ADARB2: variants seen among roughly 807,000 people sequenced by gnomAD.
The protein encoded by ADARB2 is adenosine deaminase RNA specific B2 (inactive), also known as inactive double-stranded RNA-specific editase B2.
ADARB2 carries 25 observed loss-of-function variants against 62.2 expected under a neutral mutation model. The observed-to-expected ratio is 0.40, with a 90% CI of 0.29 to 0.56. ADARB2 has a LOEUF of 0.56. Ranked by LOEUF, ADARB2 falls within the 20% of genes least tolerant of loss-of-function variation. The pLI, the probability that ADARB2 is intolerant of heterozygous loss-of-function variation, is 0.43. For synonymous variants in ADARB2, 572 were observed against 500.8 expected (o/e 1.14, Z -1.90); for missense variants, 1,071 against 1,077.4 (o/e 0.99, Z 0.08).
chr10:1,282,029 A>G (rs1831375297), intron 3 of ADARB2, among the ~76,000 whole-genome samples: 1 of 152,214 alleles, frequency 6.6e-6, no homozygotes, highest in Non-Finnish European at 1.5e-5. Flanking sequence ...GTGATTTCCC[A>G]TGACGGCTTC....
intron 6 of ADARB2, among the ~76,000 whole-genome samples, chr10:1,221,027 T>G (rs1325026188): frequency 6.6e-6 from 1 of 152,188 alleles, no homozygotes; most frequent in African/African-American, 2.4e-5. Context: ...GTGGCTTGAA[T>G]GTCGGTGATC....
In ADARB2 at chr10:1,524,712, G is replaced by A. The variant is rs11250583; in HGVS notation, c.101-145552C>T. Among the ~76,000 whole-genome samples, 18 of 152,234 alleles carry A rather than the reference G, an allele frequency of 1.2e-4. No homozygotes were observed. In the East Asian group the frequency reaches 2.9e-3, roughly 25 times the overall value. On this transcript the variant is annotated intron_variant, in intron 1 of 9. Transcript: ENST00000381312. The stretch of plus-strand genomic sequence containing the variant: ...ACAGCCCGGTGGCTGCCCGGGGGGA[G>A]GTGGTAGGCAGGGTCAGAGTGCACA...
At chr10:1,658,001 GTC>G (rs59391061) in intron 1 of ADARB2, among the ~76,000 whole-genome samples, 3 of 150,884 alleles carry the variant, frequency 2.0e-5, no homozygotes, top group Non-Finnish European at 3.0e-5. Flanking sequence ...CTCTTTCTGT[GTC>G]TCTCTGTCTC....
At chr10:1,345,785 A>G (rs1832075651) in intron 3 of ADARB2, among the ~76,000 whole-genome samples, 1 of 152,204 alleles carries the variant, frequency 6.6e-6, no homozygotes, top group African/African-American at 2.4e-5. Context: ...GTTTCTTGGC[A>G]TTGAAATCCA....
chr10:1,678,174 A>T, intron 1 of ADARB2: 1 of 985,388 alleles, frequency 1.0e-6, no homozygotes, highest in Non-Finnish European at 1.2e-6. Context: ...CACCCAGCAA[A>T]TGCCCAGGGC....
At chr10:1,608,435 G>T (rs970679453) in intron 1 of ADARB2, among the ~76,000 whole-genome samples, 2 of 151,622 alleles carry the variant, frequency 1.3e-5, no homozygotes, top group African/African-American at 4.9e-5. Flanking sequence ...GGGGACCATT[G>T]ACAGACGGGA....
intron 4 of ADARB2, among the ~76,000 whole-genome samples, chr10:1,262,385 CAT>C (rs1054069829): frequency 9.2e-5 from 14 of 151,396 alleles, no homozygotes; most frequent in African/African-American, 1.5e-4. Context: ...GCAACCCACT[CAT>C]GTGACAAAGG....
Position 1,583,049 on chromosome 10 carries a change from T to A in ADARB2, c.100+154002A>T, listed in dbSNP as rs12259438. Among the ~76,000 whole-genome samples, 849 of 152,144 alleles carry A rather than the reference T, an allele frequency of 5.6e-3. 10 individuals are homozygous for A. The highest frequency in any genetic ancestry group is 0.02 in the African/African-American group (814 of 41,504). On this transcript the variant is annotated intron_variant, in intron 1 of 9. Coordinates refer to ENST00000381312, the MANE Select transcript of ADARB2 (RefSeq NM_018702.4). ...TTGTCACCAATATTGCTCTTTCTCCTGGTGACTGCGATTTCATCTATCATC... is the reference window on the plus strand; with the variant it reads ...TTGTCACCAATATTGCTCTTTCTCCAGGTGACTGCGATTTCATCTATCATC...
chr10:1,504,252 G>A (rs1376068074), intron 1 of ADARB2, among the ~76,000 whole-genome samples: 1 of 152,200 alleles, frequency 6.6e-6, no homozygotes, highest in Non-Finnish European at 1.5e-5. Context: ...CACACTGTGA[G>A]CGGGCATGCT....
intron 8 of ADARB2, among the ~76,000 whole-genome samples, chr10:1,192,042 C>T (rs1345060673): frequency 3.9e-5 from 6 of 152,158 alleles, no homozygotes; most frequent in Admixed American, 6.5e-5. Flanking sequence ...TACTGTGGCT[C>T]GCGGAGCTAT....
chr10:1,482,162 G>A (rs1442414453), intron 1 of ADARB2, among the ~76,000 whole-genome samples: 1 of 152,236 alleles, frequency 6.6e-6, no homozygotes, highest in Non-Finnish European at 1.5e-5. Context: ...ACGTGGTGCA[G>A]CCACTTGGGA....
chr10:1,356,385 C>T (rs1394174391), intron 3 of ADARB2, among the ~76,000 whole-genome samples: 6 of 152,180 alleles, frequency 3.9e-5, no homozygotes, highest in Non-Finnish European at 5.9e-5. Flanking sequence ...GGTGGAAGGG[C>T]GTCCTGGGGA....
intron 1 of ADARB2, among the ~76,000 whole-genome samples, chr10:1,563,157 C>T (rs1832809883): frequency 6.6e-6 from 1 of 152,100 alleles, no homozygotes; most frequent in East Asian, 1.9e-4. Context: ...CATGTGACCT[C>T]CCGCACCCTT....
At chr10:1,373,366 G>C (rs1832390864) in intron 2 of ADARB2, among the ~76,000 whole-genome samples, 1 of 151,900 alleles carries the variant, frequency 6.6e-6, no homozygotes, top group South Asian at 2.1e-4. Context: ...TGTTGGTAAA[G>C]GCTCCTCAGA....
intron 3 of ADARB2, among the ~76,000 whole-genome samples, chr10:1,308,533 A>T (rs1822540937): frequency 1.3e-5 from 2 of 152,194 alleles, no homozygotes; most frequent in African/African-American, 4.8e-5. Context: ...GTGATTGCTG[A>T]ACCATATGGT....
intron 1 of ADARB2, among the ~76,000 whole-genome samples, chr10:1,723,911 T>C (rs1346458998): frequency 1.3e-5 from 2 of 152,194 alleles, no homozygotes; most frequent in African/African-American, 2.4e-5. Flanking sequence ...TTTATGAATT[T>C]TCTGGCCCTT....
Position 1,343,742 on chromosome 10 carries a change from A to G in ADARB2, c.1077+19286T>C, listed in dbSNP as rs1459583879. 4.6e-5 allele frequency among the ~76,000 whole-genome samples: 7 copies of G among 152,356 alleles called. No individual in the cohort carries two copies. In the East Asian group the frequency reaches 1.3e-3, roughly 29 times the overall value. On this transcript the variant is annotated intron_variant, in intron 3 of 9. Transcript: ENST00000381312. ...CTGCAGGAACATGGATGGAGCTGGA[A>G]GCCCTTATCCTAAGCAAACTAATGC...
rs1832897845 is a variant in ADARB2 at position 1,426,921 on chromosome 10, C to A, written c.101-47761G>T. ...AGCAGTTGTGAAAGAGCCGGAGGAC[C>A]CCTGTCCCCAAACCCTGCCCATCGG... On this transcript the variant is annotated intron_variant, in intron 1 of 9. Coordinates refer to ENST00000381312, the MANE Select transcript of ADARB2 (RefSeq NM_018702.4). This position sits in a 1 kb window ranked among gnomAD's most constrained non-coding sequence, Gnocchi z 4.1. Among the ~76,000 whole-genome samples, 1 of 152,254 alleles carries A rather than the reference C, an allele frequency of 6.6e-6. No homozygotes were observed. Among genetic ancestry groups the A allele is most frequent in the Non-Finnish European group, 1.5e-5 (1 of 68,046 alleles).
intron 6 of ADARB2, among the ~76,000 whole-genome samples, chr10:1,225,936 C>G (rs1830741694): frequency 6.6e-6 from 1 of 151,942 alleles, no homozygotes; most frequent in South Asian, 2.1e-4. Flanking sequence ...CTCTGTATTT[C>G]CTGAATATGA....
Sources: gnomAD v4.1 joint callset for allele counts (sites outside exome capture counted in the v4.1 genomes callset) on GRCh38, gnomAD v4.1.1 for gene constraint, Gnocchi (gnomAD v3.1) non-coding constraint, MANE v1.5 for transcripts, NCBI Gene and HGNC (gene_info 2026-07-23, HGNC 2026-07-21) for gene names.